HMCN1: variants seen among roughly 807,000 people sequenced by gnomAD.
HMCN1 encodes hemicentin-1.
In HMCN1, 321 loss-of-function variants were observed where a neutral mutation model predicts 625.9. That is an observed-to-expected ratio of 0.51 (90% confidence interval 0.47 to 0.56). The LOEUF (loss-of-function observed/expected upper bound fraction) is 0.56, where lower values mean the gene tolerates loss of function less well. Among genes scored for constraint, HMCN1 ranks in the 20% least tolerant of loss-of-function variants. HMCN1 has a pLI of 0.00. For synonymous variants in HMCN1, 2,425 were observed against 2,417.6 expected, an observed-to-expected ratio of 1.00 and a Z score of -0.09; for missense variants, 6,588 against 6,887.3, an observed-to-expected ratio of 0.96 and a Z score of 1.54.
At chr1:186,175,876 C>CAAAAAAAAAAAAAAAAA (rs758445916) in intron 103 of HMCN1, among the ~76,000 whole-genome samples, 1 of 76,162 alleles carries the variant, frequency 1.3e-5, no homozygotes, top group Non-Finnish European at 2.6e-5. Flanking sequence ...AACTATGTCT[C>CAAAAAAAAAAAAAAAAA]AAAAAAAAAA....
intron 23 of HMCN1, among the ~76,000 whole-genome samples, chr1:185,994,258 C>T (rs550846037): frequency 6.6e-6 from 1 of 152,044 alleles, no homozygotes; most frequent in Admixed American, 6.6e-5. Context: ...TTTTGATAAA[C>T]TACTGCATTT....
At position 186,125,806 on chromosome 1, in the gene HMCN1, G is replaced by A; in HGVS notation, c.12690+12G>A. The A allele has an allele frequency of 6.2e-7, 1 of 1,603,074 alleles. No individual in the cohort carries two copies. Among genetic ancestry groups the A allele is most frequent in the African/African-American group, 1.3e-5 (1 of 74,718 alleles). ...TAGAAAATGTTGTGGTAAGTTTAAT[G>A]GACGTGAACAGATACATTAAGCCAG... On this transcript the variant is annotated intron_variant, in intron 82 of 106. Transcript: ENST00000271588.
intron 4 of HMCN1, among the ~76,000 whole-genome samples, chr1:185,872,282 T>C (rs559626695): frequency 5.3e-5 from 8 of 152,242 alleles, no homozygotes; most frequent in African/African-American, 1.9e-4. Context: ...AAGATTGACA[T>C]GTTGTCTGTA....
intron 6 of HMCN1, among the ~76,000 whole-genome samples, chr1:185,918,609 T>C (rs1252787829): frequency 6.6e-6 from 1 of 152,176 alleles, no homozygotes; most frequent in Non-Finnish European, 1.5e-5. Context: ...ATCACTAGTA[T>C]AACCTCATCT....
At chr1:185,890,180 G>T (rs564906482) in intron 4 of HMCN1, among the ~76,000 whole-genome samples, 1 of 148,534 alleles carries the variant, frequency 6.7e-6, no homozygotes, top group African/African-American at 2.6e-5. Context: ...TTTTTATTGC[G>T]TCTATTTGAG....
At chr1:185,754,972 C>T (rs1655042255) in intron 1 of HMCN1, among the ~76,000 whole-genome samples, 1 of 152,136 alleles carries the variant, frequency 6.6e-6, no homozygotes, top group South Asian at 2.1e-4. Context: ...ACTTCTCTAT[C>T]CTCAGTTTCT....
chr1:185,787,729 G>A (rs1011915781), intron 1 of HMCN1, among the ~76,000 whole-genome samples: 6 of 152,180 alleles, frequency 3.9e-5, no homozygotes, highest in Admixed American at 2.6e-4. Context: ...GGAAATGAGA[G>A]AAGGAAGCAA....
At chr1:186,117,863 A>G (rs1661211504) in intron 77 of HMCN1, among the ~76,000 whole-genome samples, 1 of 152,212 alleles carries the variant, frequency 6.6e-6, no homozygotes, top group African/African-American at 2.4e-5. Context: ...TCTGAATATA[A>G]TAAACATGAT....
chr1:185,809,645 G>A (rs1442511926), intron 1 of HMCN1, among the ~76,000 whole-genome samples: 1 of 151,950 alleles, frequency 6.6e-6, no homozygotes, highest in African/African-American at 2.4e-5. Context: ...GGAAATAATA[G>A]TAAGTAGTAT....
intron 26 of HMCN1, among the ~76,000 whole-genome samples, chr1:186,000,908 T>C (rs190381769): frequency 1.3e-5 from 2 of 152,130 alleles, no homozygotes; most frequent in East Asian, 1.9e-4. Context: ...AGTGTATATA[T>C]ATTTTAAAAT....
intron 68 of HMCN1, among the ~76,000 whole-genome samples, chr1:186,095,761 T>G (rs570930294): frequency 6.6e-6 from 1 of 152,184 alleles, no homozygotes; most frequent in Non-Finnish European, 1.5e-5. Flanking sequence ...ACATTACTCA[T>G]TGATAAAACC....
At chr1:186,088,790 CTTTG>C in intron 63 of HMCN1, 35 bp downstream of exon 63, 3 of 1,571,324 alleles carry the variant, frequency 1.9e-6, no homozygotes, top group Non-Finnish European at 2.6e-6. Flanking sequence ...TCTTCAATTT[CTTTG>C]TTATTCCATT....
chr1:185,967,549 T>C (rs1416769496), intron 14 of HMCN1, among the ~76,000 whole-genome samples: 2 of 152,030 alleles, frequency 1.3e-5, no homozygotes, highest in Non-Finnish European at 2.9e-5. Context: ...TGCCCTGACC[T>C]CCAGGATCAG....
chr1:186,150,582 G>A (rs147875287), intron 93 of HMCN1, among the ~76,000 whole-genome samples: 7 of 152,148 alleles, frequency 4.6e-5, no homozygotes, highest in East Asian at 3.9e-4. Flanking sequence ...ACTGAACAAC[G>A]TCCTTAGATA....
At chr1:186,113,930 C>G (rs373616928) in intron 72 of HMCN1, 49 bp from the exon 73 acceptor site, 1 of 1,597,662 alleles carries the variant, frequency 6.3e-7, no homozygotes, top group Non-Finnish European at 8.6e-7. Context: ...TTCATGCAGG[C>G]TGTATTATTT....
chr1:185,805,270 A>G (rs148285549), intron 1 of HMCN1, among the ~76,000 whole-genome samples: 244 of 152,270 alleles, frequency 1.6e-3, no homozygotes, highest in African/African-American at 5.7e-3. Flanking sequence ...TTTAAATTTT[A>G]TTTCCCAAAA....
chr1:186,174,448 C>G (rs1259132501), intron 102 of HMCN1, 66 bp from the exon 103 acceptor site: 1 of 1,587,002 alleles, frequency 6.3e-7, no homozygotes, highest in Non-Finnish European at 8.6e-7. Flanking sequence ...AGAATGCTGA[C>G]TTTAAATACA....
chr1:185,739,852 A>T (rs1391008503), intron 1 of HMCN1, among the ~76,000 whole-genome samples: 1 of 152,194 alleles, frequency 6.6e-6, no homozygotes, highest in African/African-American at 2.4e-5. Context: ...GGTGGATTGA[A>T]GGTGTTGGAA....
chr1:185,901,707 C>T (rs942229854), intron 4 of HMCN1, among the ~76,000 whole-genome samples: 15 of 151,808 alleles, frequency 9.9e-5, no homozygotes, highest in African/African-American at 3.4e-4. Context: ...GATTCTTCCT[C>T]ACTGACATTA....
Sources: allele counts gnomAD v4.1 joint callset (sites outside exome capture counted in the v4.1 genomes callset), GRCh38; gene constraint gnomAD v4.1.1; transcripts MANE v1.5; gene names NCBI Gene and HGNC (gene_info 2026-07-23, HGNC 2026-07-21).